POLR3B: variants seen among roughly 807,000 people sequenced by gnomAD.
POLR3B encodes RNA polymerase III subunit B.
In POLR3B, 96 loss-of-function variants were observed where a neutral mutation model predicts 147.4. The ratio of observed to expected loss-of-function variants is 0.65; its 90% CI spans 0.55 to 0.77. The LOEUF is 0.77. POLR3B is among the 30% of genes least tolerant of loss of function. The pLI, the probability that POLR3B is intolerant of heterozygous loss-of-function variation, is 0.00. For synonymous variants in POLR3B, 461 were observed against 485.9 expected (o/e 0.95, Z 0.67); for missense variants, 1,036 against 1,413.5 (o/e 0.73, Z 4.28).
intron 1 of POLR3B, among the ~76,000 whole-genome samples, chr12:106,359,775 C>T (rs1266213118): frequency 6.6e-6 from 1 of 152,126 alleles, no homozygotes; most frequent in Non-Finnish European, 1.5e-5. Context: ...CCCCATTTTG[C>T]CAGAGAGGCC....
intron 23 of POLR3B, among the ~76,000 whole-genome samples, chr12:106,486,363 A>G (rs1404908597): frequency 6.6e-6 from 1 of 150,726 alleles, no homozygotes; most frequent in Non-Finnish European, 1.5e-5. Flanking sequence ...TGCCTCCTAC[A>G]GCTTGGTGCT....
intron 2 of POLR3B, among the ~76,000 whole-genome samples, chr12:106,365,142 G>A (rs1348824337): frequency 6.6e-6 from 1 of 151,974 alleles, no homozygotes; most frequent in African/African-American, 2.4e-5. Context: ...CTCAAAAAAA[G>A]AAAAATGAGT....
intron 1 of POLR3B, 171 bp downstream of exon 1, chr12:106,358,122 C>T: frequency 6.7e-7 from 1 of 1,483,854 alleles, no homozygotes; most frequent in Non-Finnish European, 8.9e-7. Flanking sequence ...GAGCCGGCCT[C>T]CGCGTGCGCG....
rs67180409 is a variant in POLR3B at position 106,426,839 on chromosome 12, T to TCCCCCCCC, written c.1102-348_1102-341dup. On this transcript the variant is annotated intron_variant, in intron 12 of 27. Coordinates refer to ENST00000228347, the MANE Select transcript of POLR3B (RefSeq NM_018082.6). ...TTATAATGGTAATTCTTCTCCACCGTCCCCCCCCCCCCCCCCCGTCCTTTT... is the reference window on the plus strand; with the variant it reads ...TTATAATGGTAATTCTTCTCCACCGTCCCCCCCCCCCCCCCCCCCCCCCCCGTCCTTTT... Among the ~76,000 whole-genome samples, 5 of 25,318 alleles carry TCCCCCCCC rather than the reference T, an allele frequency of 2.0e-4. 2 individuals carry two copies. The highest frequency in any genetic ancestry group is 6.0e-4 in the Admixed American group (1 of 1,666). 16.6% of individuals were successfully genotyped at this position (25,318 alleles called of 152,430 possible). A position where few individuals can be genotyped will look rare whatever the true frequency, so the allele number is the denominator to read the frequency against.
intron 23 of POLR3B, among the ~76,000 whole-genome samples, chr12:106,481,807 T>C (rs1043502537): frequency 7.2e-5 from 11 of 152,242 alleles, no homozygotes; most frequent in Admixed American, 3.3e-4. Flanking sequence ...CAAGAATGTT[T>C]AGTGAGTATG....
chr12:106,477,486 T>G (rs1321093125), intron 23 of POLR3B, among the ~76,000 whole-genome samples: 1 of 147,568 alleles, frequency 6.8e-6, no homozygotes, highest in Non-Finnish European at 1.5e-5. Context: ...TGCCGTTTGA[T>G]CTCAGACTGC....
In POLR3B at chr12:106,358,021, C is replaced by T. The variant is rs1029139708; in HGVS notation, c.72+70C>T. 33 of 1,586,108 alleles carry T rather than the reference C, an allele frequency of 2.1e-5. 1 individual carries two copies. In the Admixed American group the frequency reaches 5.2e-4, roughly 25 times the overall value. On this transcript the variant is annotated intron_variant, in intron 1 of 27. Coordinates refer to ENST00000228347, the MANE Select transcript of POLR3B (RefSeq NM_018082.6). ...CTGAGGGGGCGTTGCCCGGAGTGCT[C>T]GGGCCGCCAAGGGGGCGGGCTGGCG...
chr12:106,428,771 G>A (rs1043858750), intron 13 of POLR3B, among the ~76,000 whole-genome samples: 1 of 152,092 alleles, frequency 6.6e-6, no homozygotes, highest in African/African-American at 2.4e-5. Context: ...ATATATGGTC[G>A]CTGTGTTTCT....
chr12:106,425,284 C>T (rs1205841209), intron 12 of POLR3B, among the ~76,000 whole-genome samples: 1 of 152,150 alleles, frequency 6.6e-6, no homozygotes, highest in Non-Finnish European at 1.5e-5. Context: ...AACCAGGTTT[C>T]CTGCTCCTCC....
chr12:106,483,292 C>T (rs1239258273), intron 23 of POLR3B, among the ~76,000 whole-genome samples: 1 of 152,184 alleles, frequency 6.6e-6, no homozygotes, highest in Non-Finnish European at 1.5e-5. Context: ...TACATGCCCA[C>T]CCACGTCCAT....
At chr12:106,475,162 G>A (rs2038148606) in intron 23 of POLR3B, among the ~76,000 whole-genome samples, 1 of 116,142 alleles carries the variant, frequency 8.6e-6, no homozygotes, top group South Asian at 2.7e-4. Context: ...CAGTTTCCAT[G>A]TAGTTGAGCG....
intron 6 of POLR3B, 122 bp downstream of exon 6, chr12:106,369,805 A>C (rs2036580044): frequency 1.1e-5 from 8 of 710,508 alleles, no homozygotes; most frequent in South Asian, 1.0e-4. Context: ...ATGAGTCAGC[A>C]TGTGTAAAGC....
At chr12:106,492,531 G>A (rs1433491378) in intron 23 of POLR3B, among the ~76,000 whole-genome samples, 1 of 152,172 alleles carries the variant, frequency 6.6e-6, no homozygotes, top group Admixed American at 6.5e-5. Context: ...GTGAGACCCT[G>A]TCTAAGAAAA....
At chr12:106,507,210 T>TTGC (rs1249215623) in intron 27 of POLR3B, among the ~76,000 whole-genome samples, 2 of 152,172 alleles carry the variant, frequency 1.3e-5, no homozygotes, top group African/African-American at 4.8e-5. Flanking sequence ...CCTCCCCTTT[T>TTGC]TGCTACCTTT....
At chr12:106,469,684 G>T (rs930385561) in intron 23 of POLR3B, among the ~76,000 whole-genome samples, 6 of 152,136 alleles carry the variant, frequency 3.9e-5, no homozygotes, top group Non-Finnish European at 7.3e-5. Context: ...GTCTGTAAAG[G>T]ATTTTATTTC....
intron 10 of POLR3B, among the ~76,000 whole-genome samples, chr12:106,396,540 A>G (rs936566657): frequency 1.3e-5 from 2 of 152,226 alleles, no homozygotes; most frequent in African/African-American, 4.8e-5. Context: ...TAGGAAAAAC[A>G]TACATGTAAA....
chr12:106,392,739 C>G lies in POLR3B; in HGVS notation c.724-292C>G, dbSNP rs375104592. ...ATGACCAGTTGTCTTTACCATACCT[C>G]CCAGCCTCCTTTTTTCGTGATGAAA... On this transcript the variant is annotated intron_variant, in intron 9 of 27. Transcript: ENST00000228347. Among the ~76,000 whole-genome samples the G allele has an allele frequency of 1.8e-4, 28 of 152,294 alleles. No homozygotes were observed. The East Asian group carries it at 3.1e-3, about 17-fold the overall frequency.
chr12:106,393,645 A>C (rs184757410), intron 10 of POLR3B, among the ~76,000 whole-genome samples: 1 of 151,790 alleles, frequency 6.6e-6, no homozygotes, highest in African/African-American at 2.4e-5. Context: ...GCTGCTTTGG[A>C]CAGCAAGGAA....
At chr12:106,448,960 T>G (rs1593047465) in intron 19 of POLR3B, among the ~76,000 whole-genome samples, 1 of 152,270 alleles carries the variant, frequency 6.6e-6, no homozygotes, top group East Asian at 1.9e-4. Flanking sequence ...TCAGGCTGCC[T>G]TTTCTGGTAG....
Sources: gnomAD v4.1 joint callset for allele counts (sites outside exome capture counted in the v4.1 genomes callset) on GRCh38, gnomAD v4.1.1 for gene constraint, MANE v1.5 for transcripts, NCBI Gene and HGNC (gene_info 2026-07-23, HGNC 2026-07-21) for gene names.